The following NRDC variants were observed in gnomAD, a reference collection of about 807,000 sequenced individuals.
NRDC encodes the protein nardilysin.
In NRDC, 54 loss-of-function variants were observed where a neutral mutation model predicts 147.1. The ratio of observed to expected loss-of-function variants is 0.37; its 90% confidence interval spans 0.29 to 0.46. The LOEUF is 0.46. Among genes scored for constraint, NRDC ranks in the 20% least tolerant of loss-of-function variants. NRDC has a pLI of 1.00. For missense variants in NRDC, 1,082 were observed against 1,370.6 expected (o/e 0.79, Z 3.33); for synonymous variants, 440 against 482.1 (o/e 0.91, Z 1.14).
At chr1:51,834,838 GCTA>G (rs1468201455) in intron 3 of NRDC, among the ~76,000 whole-genome samples, 1 of 151,984 alleles carries the variant, frequency 6.6e-6, no homozygotes, top group Non-Finnish European at 1.5e-5. Flanking sequence ...CAGATTAACT[GCTA>G]CTGCTGTTAC....
chr1:51,819,298 CAAA>C (rs200262192), intron 9 of NRDC, among the ~76,000 whole-genome samples: 5 of 97,998 alleles, frequency 5.1e-5, no homozygotes, highest in African/African-American at 3.8e-5. Flanking sequence ...ACTCTGTCTC[CAAA>C]AAAAAAAAAA....
intron 15 of NRDC, among the ~76,000 whole-genome samples, 177 bp downstream of exon 15, chr1:51,811,817 G>A (rs1307031682): frequency 2.0e-5 from 3 of 152,126 alleles, no homozygotes; most frequent in African/African-American, 7.2e-5. Context: ...ACTTAATTAT[G>A]TAAAAGAACC....
intron 1 of NRDC, among the ~76,000 whole-genome samples, chr1:51,869,920 T>A (rs564712260): frequency 1.6e-4 from 24 of 152,270 alleles, no homozygotes; most frequent in South Asian, 4.1e-4. Flanking sequence ...CTTAAAAAAA[T>A]TTTTTTAAGA....
chr1:51,797,014 C>T (rs909433997), intron 22 of NRDC, among the ~76,000 whole-genome samples: 8 of 151,786 alleles, frequency 5.3e-5, no homozygotes, highest in Non-Finnish European at 1.2e-4. Flanking sequence ...TCCTGGCCAA[C>T]ACGGTGAAAT....
intron 1 of NRDC, among the ~76,000 whole-genome samples, chr1:51,848,057 C>A (rs1398589784): frequency 6.6e-6 from 1 of 152,236 alleles, no homozygotes; most frequent in Non-Finnish European, 1.5e-5. Flanking sequence ...AGGATCACGT[C>A]TATAAATCAA....
intron 1 of NRDC, among the ~76,000 whole-genome samples, chr1:51,848,233 TGA>T (rs1681752649): frequency 6.6e-6 from 1 of 152,188 alleles, no homozygotes; most frequent in African/African-American, 2.4e-5. Context: ...CCCAGCACTT[TGA>T]GAGGCCAAGG....
At chr1:51,829,965 CTTTT>C (rs941972546) in intron 4 of NRDC, among the ~76,000 whole-genome samples, 1 of 131,268 alleles carries the variant, frequency 7.6e-6, no homozygotes. Context: ...TCTTTTATTT[CTTTT>C]TTTTTTTTTT....
chr1:51,792,279 C>T, intron 25 of NRDC, 98 bp downstream of exon 25: 1 of 1,383,592 alleles, frequency 7.2e-7, no homozygotes, highest in Admixed American at 1.7e-5. Flanking sequence ...AATCACAGAT[C>T]TCTGACTACC....
chr1:51,808,725 G>A (rs1679577568), intron 17 of NRDC, among the ~76,000 whole-genome samples: 1 of 152,308 alleles, frequency 6.6e-6, no homozygotes, highest in African/African-American at 2.4e-5. Context: ...CTTGGACCTA[G>A]GATTGGTAGC....
At chr1:51,868,503 T>C (rs1014364752) in intron 1 of NRDC, among the ~76,000 whole-genome samples, 3 of 152,214 alleles carry the variant, frequency 2.0e-5, no homozygotes, top group Non-Finnish European at 4.4e-5. Flanking sequence ...ATACAATCCA[T>C]TTATACTCTA....
chr1:51,792,000 G>T, intron 26 of NRDC, 46 bp downstream of exon 26: 1 of 1,598,734 alleles, frequency 6.3e-7, no homozygotes, highest in Non-Finnish European at 8.6e-7. Context: ...TGCAAAGTAA[G>T]CCCTAGGCCC....
intron 2 of NRDC, among the ~76,000 whole-genome samples, chr1:51,839,288 A>G (rs1681148092): frequency 6.6e-6 from 1 of 151,656 alleles, no homozygotes; most frequent in African/African-American, 2.4e-5. Context: ...CAGCCTGTCA[A>G]GTAGCTGGAA....
At chr1:51,821,919 G>T (rs976305725) in intron 7 of NRDC, among the ~76,000 whole-genome samples, 1 of 151,976 alleles carries the variant, frequency 6.6e-6, no homozygotes. Context: ...AGGTTTTTCC[G>T]TACTAACCCA....
intron 2 of NRDC, among the ~76,000 whole-genome samples, chr1:51,839,774 G>C (rs1415498425): frequency 2.0e-5 from 3 of 152,022 alleles, no homozygotes; most frequent in Non-Finnish European, 4.4e-5. Flanking sequence ...ATAACTCTTA[G>C]AGCCCTAGGC....
At chr1:51,871,486 G>A (rs2124132026) in intron 1 of NRDC, among the ~76,000 whole-genome samples, 1 of 113,294 alleles carries the variant, frequency 8.8e-6, no homozygotes, top group Non-Finnish European at 1.7e-5. Flanking sequence ...ATCACTCCTT[G>A]CTTCAAGAAT....
At chr1:51,793,369 G>A (rs1678742172) in intron 24 of NRDC, among the ~76,000 whole-genome samples, 1 of 152,200 alleles carries the variant, frequency 6.6e-6, no homozygotes, top group Non-Finnish European at 1.5e-5. Context: ...TGTGGAGTTT[G>A]GGACCTGGTA....
At chr1:51,832,399 G>A (rs1299080826) in intron 4 of NRDC, among the ~76,000 whole-genome samples, 1 of 151,906 alleles carries the variant, frequency 6.6e-6, no homozygotes, top group Admixed American at 6.6e-5. Flanking sequence ...AATTTTTTTT[G>A]GTCATTTATC....
At chr1:51,870,880 C>CT (rs1032056412) in intron 1 of NRDC, among the ~76,000 whole-genome samples, 37 of 152,040 alleles carry the variant, frequency 2.4e-4, no homozygotes, top group South Asian at 6.2e-4. Flanking sequence ...TCTACTGATT[C>CT]TTTTTTTCTC....
intron 11 of NRDC, among the ~76,000 whole-genome samples, chr1:51,815,290 G>A (rs1032506136): frequency 6.6e-6 from 1 of 150,750 alleles, no homozygotes; most frequent in Non-Finnish European, 1.5e-5. Flanking sequence ...CCCAAGTGCT[G>A]GAATTACAGG....
Sources: gnomAD v4.1 joint callset for allele counts (sites outside exome capture counted in the v4.1 genomes callset) on GRCh38, gnomAD v4.1.1 for gene constraint, MANE v1.5 for transcripts, NCBI Gene and HGNC (gene_info 2026-07-23, HGNC 2026-07-21) for gene names.